CFAP57: variants seen among roughly 807,000 people sequenced by gnomAD.
CFAP57 encodes the protein cilia and flagella associated protein 57.
Under a neutral mutation model 146.8 loss-of-function variants are expected in CFAP57, and 116 were observed. The ratio of observed to expected loss-of-function variants is 0.79; its 90% CI spans 0.68 to 0.92. The LOEUF is 0.92. CFAP57 is among the 40% of genes least tolerant of loss of function. CFAP57 has a pLI of 0.00. For missense variants in CFAP57, 1,377 were observed against 1,527.2 expected (o/e 0.90, Z 1.64); for synonymous variants, 518 against 552.8 (o/e 0.94, Z 0.88).
rs1643162987 is a variant in CFAP57, at chr1:43,186,878, G to T, written c.1122+19G>T. ...CAGCAAGGTGAGTCTTTCCAGCAAT[G>T]GTCCTTCCAGACCAGGACCTATCTG... is the stretch of plus-strand genomic sequence containing the variant. On this transcript the variant is annotated intron_variant, in intron 6 of 22. Coordinates refer to ENST00000372492, the MANE Select transcript of CFAP57 (RefSeq NM_001378189.1). The T allele has an allele frequency of 6.2e-7, 1 of 1,613,914 alleles. No individual in the cohort carries two copies. Among genetic ancestry groups the T allele is most frequent in the East Asian group, 2.2e-5 (1 of 44,884 alleles).
chr1:43,184,059 G>A (rs1190491166), intron 4 of CFAP57, among the ~76,000 whole-genome samples, 182 bp downstream of exon 4: 1 of 152,142 alleles, frequency 6.6e-6, no homozygotes, highest in Non-Finnish European at 1.5e-5. Context: ...TATAACCATA[G>A]ACTAAATACA....
chr1:43,178,526 A>G (rs1055596497), intron 2 of CFAP57, among the ~76,000 whole-genome samples: 2 of 152,240 alleles, frequency 1.3e-5, no homozygotes, highest in South Asian at 2.1e-4. Flanking sequence ...CAACCGACAC[A>G]TGAAAAAATG....
At position 43,234,394 on chromosome 1, in the gene CFAP57, A is replaced by G; in HGVS notation, c.3242A>G (p.Tyr1081Cys). The G allele has an allele frequency of 6.5e-7, 1 of 1,549,766 alleles. No individual in the cohort carries two copies. The highest frequency in any genetic ancestry group is 8.7e-7 in the Non-Finnish European group (1 of 1,146,540). Residue 1081 changes from tyrosine to cysteine, a missense_variant, in exon 20 of 23, where the codon TAC (tyrosine) becomes TGC (cysteine). By Grantham distance (194) the Tyr-to-Cys change is radical. Coordinates refer to ENST00000372492, the MANE Select transcript of CFAP57 (RefSeq NM_001378189.1). ...AAGGTTCGAGGTCTCTTTGAGAAGT[A>G]CGTGCAGCGAGCAGACATGGTAAGC... ...KEKVRGLFEK[Y>C]VQRADMVEIA...
intron 2 of CFAP57, among the ~76,000 whole-genome samples, chr1:43,179,472 G>A (rs1289248926): frequency 2.0e-5 from 3 of 152,182 alleles, no homozygotes; most frequent in Non-Finnish European, 4.4e-5. Context: ...AATGGCCTCT[G>A]CCCTCCAGGA....
intron 18 of CFAP57, chr1:43,231,924 G>T: frequency 2.2e-6 from 1 of 462,032 alleles, no homozygotes; most frequent in Non-Finnish European, 3.8e-6. Flanking sequence ...TTCTTGTGAA[G>T]ACAGGACACT....
intron 16 of CFAP57, among the ~76,000 whole-genome samples, chr1:43,223,311 A>G (rs890140092): frequency 6.6e-6 from 1 of 152,116 alleles, no homozygotes; most frequent in African/African-American, 2.4e-5. Flanking sequence ...TTTCTGAGAT[A>G]ACCCTCCGAT....
chr1:43,201,652 G>A lies in CFAP57; in HGVS notation c.1542+2149G>A, dbSNP rs975787170. Among the ~76,000 whole-genome samples the A allele has an allele frequency of 3.3e-5, 5 of 152,088 alleles. No individual in the cohort carries two copies. The highest frequency in any genetic ancestry group is 2.1e-4 in the South Asian group (1 of 4,822). ...TTTTTTGAGACAGAGTTTCGCTTTC[G>A]TTGCCCAGGCTGGAGTGCAATGGCA... On this transcript the variant is annotated intron_variant, in intron 9 of 22. Coordinates refer to ENST00000372492, the MANE Select transcript of CFAP57 (RefSeq NM_001378189.1). This position sits in a 1 kb window ranked among gnomAD's most constrained non-coding sequence, Gnocchi z 4.4.
chr1:43,234,265 G>A lies in CFAP57; in HGVS notation c.3127-14G>A. 6.5e-7 allele frequency: 1 copy of A among 1,539,504 alleles called. No individual in the cohort carries two copies. On this transcript the variant is annotated splice_polypyrimidine_tract_variant and intron_variant, in intron 19 of 22. Transcript: ENST00000372492. ...GCACCCTACAGCACCAGAAGGAAAC[G>A]TCTCTGATTGCAGGAGCGAGACTTG...
intron 18 of CFAP57, among the ~76,000 whole-genome samples, chr1:43,227,650 G>A (rs76865583): frequency 0.014 from 2,196 of 152,258 alleles, 27 homozygotes; most frequent in Middle Eastern, 0.034. Flanking sequence ...GTAGAGAGGC[G>A]AGATTAGAAG....
At chr1:43,241,229 C>T (rs1246846364) in intron 21 of CFAP57, among the ~76,000 whole-genome samples, 1 of 152,228 alleles carries the variant, frequency 6.6e-6, no homozygotes, top group Admixed American at 6.5e-5. Context: ...CATGAGGAAT[C>T]TGCTCCCATG....
Position 43,234,605 on chromosome 1 carries a change from G to A in CFAP57, c.3372G>A (p.Glu1124=). 3 of 1,550,460 alleles carry A rather than the reference G, an allele frequency of 1.9e-6. No individual in the cohort carries two copies. The highest frequency in any genetic ancestry group is 2.6e-6 in the Non-Finnish European group (3 of 1,146,932). The change falls in exon 21 of 23, where the codon GAG becomes GAA. Residue 1124 remains glutamate (E), a synonymous_variant. Coordinates refer to ENST00000372492, the MANE Select transcript of CFAP57 (RefSeq NM_001378189.1). The stretch of plus-strand genomic sequence containing the variant: ...AGAAGAAGGTGGTCAAGGAGGGCGA[G>A]CTGCACCGCACAGACTACGTCCGCA... ...TLKKKVVKEG[E]LHRTDYVRIM... is the part of the protein sequence containing the mutation.
intron 16 of CFAP57, 71 bp downstream of exon 16, chr1:43,223,068 G>C: frequency 6.8e-7 from 1 of 1,473,166 alleles, no homozygotes; most frequent in Admixed American, 2.3e-5. Flanking sequence ...TGGGTGGACT[G>C]ACCGGCCTGG....
intron 18 of CFAP57, among the ~76,000 whole-genome samples, chr1:43,230,353 C>T (rs1645418089): frequency 6.6e-6 from 1 of 152,166 alleles, no homozygotes; most frequent in African/African-American, 2.4e-5. Context: ...GTCTGCCTGG[C>T]CCCCGTCTTG....
At chr1:43,229,008 C>T (rs114989200) in intron 18 of CFAP57, among the ~76,000 whole-genome samples, 2 of 148,898 alleles carry the variant, frequency 1.3e-5, no homozygotes, top group East Asian at 4.2e-4. Flanking sequence ...GACCTGACCT[C>T]CTAATCCCAT....
At chr1:43,244,965 T>C (rs1265786292) in intron 22 of CFAP57, among the ~76,000 whole-genome samples, 1 of 152,024 alleles carries the variant, frequency 6.6e-6, no homozygotes, top group Non-Finnish European at 1.5e-5. Flanking sequence ...GGTGAAACCA[T>C]CTTCTCTTGA....
rs946362796 is a variant in CFAP57 at position 43,224,052 on chromosome 1, A to G, written c.2713A>G (p.Ser905Gly). ...ETGIMRKKFSSLQKEIEERTN... is the reference protein window; with the variant it reads ...ETGIMRKKFSGLQKEIEERTN... ...TTGCTGTTCGCTTTTCTAGTTCAGC[A>G]GCCTACAGAAGGAGATTGAAGAACG... Residue 905 changes from serine to glycine, a missense_variant, in exon 17 of 23, where the codon AGC becomes GGC. By Grantham distance (56) the Ser-to-Gly change is moderately conservative. Transcript: ENST00000372492. 2 of 1,550,396 alleles carry G rather than the reference A, an allele frequency of 1.3e-6. No homozygotes were observed. The highest frequency in any genetic ancestry group is 2.7e-5 in the African/African-American group (2 of 73,052).
rs760727546 is a variant in CFAP57 at position 43,199,458 on chromosome 1, C to T, written c.1497C>T (p.Thr499=). The stretch of plus-strand genomic sequence containing the variant: ...GAAATGTGATTCACGTTTACACCAC[C>T]ACGAGCCTAGAGAACATCTCAAGCC... ...VNGNVIHVYT[T]TSLENISSLK... The change falls in exon 9 of 23, where the codon ACC becomes ACT. Residue 499 remains threonine (T), a synonymous_variant. Coordinates refer to ENST00000372492, the MANE Select transcript of CFAP57 (RefSeq NM_001378189.1). 1 of 1,614,142 alleles carries T rather than the reference C, an allele frequency of 6.2e-7. No individual in the cohort carries two copies. The highest frequency in any genetic ancestry group is 1.3e-5 in the African/African-American group (1 of 75,014).
At chr1:43,177,666 T>A (rs1014854644) in intron 2 of CFAP57, among the ~76,000 whole-genome samples, 1 of 151,650 alleles carries the variant, frequency 6.6e-6, no homozygotes, top group Admixed American at 6.6e-5. Flanking sequence ...ATGGAGAGGG[T>A]ATGGGGGATG....
At chr1:43,199,337 A>T in intron 8 of CFAP57, 53 bp from the exon 9 acceptor site, 1 of 1,553,082 alleles carries the variant, frequency 6.4e-7, no homozygotes, top group Non-Finnish European at 8.9e-7. Flanking sequence ...TGTAACCTCT[A>T]ATTAGACTGC....
Sources: gnomAD v4.1 joint callset for allele counts (sites outside exome capture counted in the v4.1 genomes callset) on GRCh38, gnomAD v4.1.1 for gene constraint, Gnocchi (gnomAD v3.1) non-coding constraint, MANE v1.5 for transcripts, NCBI Gene and HGNC (gene_info 2026-07-23, HGNC 2026-07-21) for gene names.